The following KLHDC10 variants were observed in gnomAD, a reference collection of about 807,000 sequenced individuals.
The protein encoded by KLHDC10 is kelch domain-containing protein 10.
Under a neutral mutation model 56.1 loss-of-function variants are expected in KLHDC10, and 24 were observed. The observed-to-expected ratio is 0.43, with a 90% CI of 0.31 to 0.60. The LOEUF (loss-of-function observed/expected upper bound fraction) is 0.60, where lower values mean the gene tolerates loss of function less well. Among genes scored for constraint, KLHDC10 ranks in the 20% least tolerant of loss-of-function variants. KLHDC10 has a pLI of 0.11. For missense variants in KLHDC10, 349 were observed against 567.0 expected (o/e 0.62, Z 3.91); for synonymous variants, 188 against 207.1 (o/e 0.91, Z 0.79).
intron 2 of KLHDC10, among the ~76,000 whole-genome samples, chr7:130,110,787 G>GT (rs951077467): frequency 1.1e-4 from 17 of 151,730 alleles, no homozygotes; most frequent in Admixed American, 3.3e-4. Flanking sequence ...TTAATAATAA[G>GT]TTTTTTTTTA....
intron 5 of KLHDC10, 138 bp from the exon 6 acceptor site, chr7:130,124,313 A>G (rs948548225): frequency 6.7e-6 from 4 of 593,688 alleles, no homozygotes; most frequent in Admixed American, 3.0e-5. Context: ...CATATAACCA[A>G]TTCACTATTG....
chr7:130,079,524 G>T (rs961125311), intron 1 of KLHDC10, among the ~76,000 whole-genome samples: 1 of 152,064 alleles, frequency 6.6e-6, no homozygotes, highest in Admixed American at 6.6e-5. Flanking sequence ...AACCATTCTT[G>T]TGTTCCTGAA....
At chr7:130,109,933 T>C (rs1418945290) in intron 2 of KLHDC10, among the ~76,000 whole-genome samples, 1 of 152,152 alleles carries the variant, frequency 6.6e-6, no homozygotes, top group Non-Finnish European at 1.5e-5. Flanking sequence ...CCCACCGTGC[T>C]GGGCCAATAA....
At chr7:130,107,596 C>T (rs1357921157) in intron 2 of KLHDC10, among the ~76,000 whole-genome samples, 1 of 152,034 alleles carries the variant, frequency 6.6e-6, no homozygotes, top group South Asian at 2.1e-4. Context: ...GTAATCCCAG[C>T]GCTTTGGGAG....
chr7:130,121,361 G>A (rs752567185), intron 4 of KLHDC10, among the ~76,000 whole-genome samples: 4 of 152,144 alleles, frequency 2.6e-5, no homozygotes, highest in East Asian at 1.9e-4. Flanking sequence ...AGGTTCCAGC[G>A]CTTCAAACCT....
rs559160715 is a variant in KLHDC10 at position 130,092,754 on chromosome 7, A to C, written c.167-4167A>C. ...GATGGCTGGGAGGGGTTAACCTGCT[A>C]TGTAACTTCTGTGCTACACTCCAAT... On this transcript the variant is annotated intron_variant, in intron 1 of 9. Transcript: ENST00000335420. Among the ~76,000 whole-genome samples the C allele has an allele frequency of 9.9e-5, 15 of 152,202 alleles. No individual in the cohort carries two copies. In the South Asian group the frequency reaches 3.1e-3, roughly 32 times the overall value.
chr7:130,096,398 T>C (rs923027298), intron 1 of KLHDC10, among the ~76,000 whole-genome samples: 2 of 152,166 alleles, frequency 1.3e-5, no homozygotes, highest in Middle Eastern at 3.2e-3. Flanking sequence ...ATTAAATGTT[T>C]GTTTAATTTG....
chr7:130,129,035 T>C (rs1029834464), intron 8 of KLHDC10, among the ~76,000 whole-genome samples: 7 of 151,706 alleles, frequency 4.6e-5, no homozygotes, highest in South Asian at 4.2e-4. Context: ...AAGTCTGTTA[T>C]AGGACCGAAC....
intron 1 of KLHDC10, among the ~76,000 whole-genome samples, chr7:130,091,328 T>C (rs538199168): frequency 1.3e-5 from 2 of 152,356 alleles, no homozygotes; most frequent in Non-Finnish European, 1.5e-5. Context: ...ATCCAGTTCC[T>C]CTGCATCCTT....
intron 1 of KLHDC10, among the ~76,000 whole-genome samples, chr7:130,090,474 G>C (rs1488975891): frequency 6.6e-6 from 1 of 151,838 alleles, no homozygotes; most frequent in Non-Finnish European, 1.5e-5. Context: ...TGTAGTCCCA[G>C]CTACTTGAGA....
intron 7 of KLHDC10, 141 bp downstream of exon 7, chr7:130,126,072 A>C: frequency 1.5e-6 from 1 of 646,318 alleles, no homozygotes. Context: ...CACGCCTATA[A>C]TCTCAGCACT....
At chr7:130,101,091 C>T (rs1337628422) in intron 2 of KLHDC10, among the ~76,000 whole-genome samples, 1 of 151,698 alleles carries the variant, frequency 6.6e-6, no homozygotes, top group African/African-American at 2.4e-5. Context: ...AACTGTATGA[C>T]CTTGGGCAAG....
intron 5 of KLHDC10, among the ~76,000 whole-genome samples, chr7:130,123,970 G>C (rs1003759431): frequency 6.6e-6 from 1 of 152,090 alleles, no homozygotes; most frequent in African/African-American, 2.4e-5. Flanking sequence ...CATAGTCTAA[G>C]GTCTCTAAAT....
chr7:130,098,795 A>C (rs1795888679), intron 2 of KLHDC10, among the ~76,000 whole-genome samples: 1 of 152,224 alleles, frequency 6.6e-6, no homozygotes, highest in Non-Finnish European at 1.5e-5. Flanking sequence ...AAATAGTGAC[A>C]TAACAGGTTG....
intron 3 of KLHDC10, among the ~76,000 whole-genome samples, chr7:130,119,843 TAAAA>T (rs72549928): frequency 3.9e-5 from 3 of 76,970 alleles, no homozygotes; most frequent in East Asian, 3.7e-4. Context: ...GACTCCGTCT[TAAAA>T]AAAAAAAAAA....
chr7:130,075,359 C>T (rs937603812), intron 1 of KLHDC10, among the ~76,000 whole-genome samples: 34 of 152,086 alleles, frequency 2.2e-4, no homozygotes, highest in African/African-American at 8.0e-4. Context: ...ATACTGTAGT[C>T]TTAACTTAAA....
chr7:130,116,380 C>A lies in KLHDC10; in HGVS notation c.254-65C>A, dbSNP rs1299322941. On this transcript the variant is annotated intron_variant, in intron 2 of 9. Transcript: ENST00000335420. The surrounding 1 kb of genome is among the most constrained non-coding windows in gnomAD (Gnocchi z 4.8). ...CCTTTTATGGCTAAAATGGTTGTTA[C>A]CTAATTTTGTTTGTGCTTTTAAACT... 8.1e-7 allele frequency: 1 copy of A among 1,234,130 alleles called. No homozygotes were observed. The highest frequency in any genetic ancestry group is 1.5e-5 in the African/African-American group (1 of 66,972). The allele number at this position is 1,234,130 out of a possible 1,614,324, so 76.4% of individuals were successfully genotyped here.
chr7:130,115,322 T>A lies in KLHDC10; in HGVS notation c.254-1123T>A, dbSNP rs1796152322. Among the ~76,000 whole-genome samples the A allele has an allele frequency of 2.6e-5, 4 of 152,182 alleles. No individual in the cohort carries two copies. In the South Asian group the frequency reaches 8.3e-4, roughly 32 times the overall value. On this transcript the variant is annotated intron_variant, in intron 2 of 9. Coordinates refer to ENST00000335420, the MANE Select transcript of KLHDC10 (RefSeq NM_014997.4). ...GGTTCTGAAGTTGGGCAAGGGTTTG[T>A]ATAGATTGGTATAAACATTTTAAGG...
At chr7:130,124,681 T>C (rs558209997) in intron 6 of KLHDC10, 146 bp downstream of exon 6, 48 of 552,246 alleles carry the variant, frequency 8.7e-5, no homozygotes, top group Non-Finnish European at 1.3e-4. Context: ...GGATGCACTT[T>C]ATAAGGTCGA....
Sources: allele counts gnomAD v4.1 joint callset (sites outside exome capture counted in the v4.1 genomes callset), GRCh38; gene constraint gnomAD v4.1.1; non-coding constraint Gnocchi (gnomAD v3.1); transcripts MANE v1.5; gene names NCBI Gene and HGNC (gene_info 2026-07-23, HGNC 2026-07-21).